PAK6: variants seen among roughly 807,000 people sequenced by gnomAD.
The protein encoded by PAK6 is p21 (RAC1) activated kinase 6.
Under a neutral mutation model 60.8 loss-of-function variants are expected in PAK6, and 33 were observed. The ratio of observed to expected loss-of-function variants is 0.54; its 90% CI spans 0.41 to 0.73. The LOEUF (loss-of-function observed/expected upper bound fraction) is 0.73, where lower values mean the gene tolerates loss of function less well. Among genes scored for constraint, PAK6 ranks in the 30% least tolerant of loss-of-function variants. The pLI is 0.00. For synonymous variants in PAK6, 404 were observed against 378.5 expected, an observed-to-expected ratio of 1.07 and a Z score of -0.78; for missense variants, 845 against 904.1, an observed-to-expected ratio of 0.93 and a Z score of 0.84.
chr15:40,253,510 T>C (rs1290744597), intron 3 of PAK6, among the ~76,000 whole-genome samples: 1 of 152,264 alleles, frequency 6.6e-6, no homozygotes, highest in Non-Finnish European at 1.5e-5. Flanking sequence ...GGTAGGCTGG[T>C]AGACGTCAAG....
chr15:40,263,938 C>T (rs1156889279), intron 3 of PAK6: 4 of 456,020 alleles, frequency 8.8e-6, no homozygotes, highest in South Asian at 3.1e-5. Context: ...TTACATAGAG[C>T]TCCAATACCA....
At chr15:40,249,976 C>T (rs1449284957) in intron 2 of PAK6, among the ~76,000 whole-genome samples, 1 of 152,262 alleles carries the variant, frequency 6.6e-6, no homozygotes, top group East Asian at 1.9e-4. Flanking sequence ...CTGGACAATT[C>T]CTTCAACCAG....
In PAK6 at chr15:40,255,179, T is replaced by C. The variant is rs138255110; in HGVS notation, c.-6+1890T>C. Among the ~76,000 whole-genome samples, 318 of 152,316 alleles carry C rather than the reference T, an allele frequency of 2.1e-3. 16 individuals are homozygous for C. The East Asian group carries it at 0.058, about 28-fold the overall frequency. ...TATGCTAAGGACTCAGACCTCTGTGTGCAGAGGCTGTTGAGAATCTAGGGT... is the reference window on the plus strand; with the variant it reads ...TATGCTAAGGACTCAGACCTCTGTGCGCAGAGGCTGTTGAGAATCTAGGGT... On this transcript the variant is annotated intron_variant, in intron 3 of 10. Transcript: ENST00000560346.
At chr15:40,253,184 G>A (rs1355891217) in exon 3 of PAK6, 2 of 456,028 alleles carry the variant, frequency 4.4e-6, no homozygotes, top group South Asian at 3.1e-5. Flanking sequence ...GCAGGCCTGC[G>A]GAGGACTGGC....
chr15:40,276,752 G>A (rs997539556), exon 11 of PAK6: 2 of 73,224 alleles, frequency 2.7e-5, no homozygotes, highest in African/African-American at 1.2e-4. Context: ...AGAACATCGT[G>A]TGTGTGTGTG....
At chr15:40,272,709 G>C in exon 6 of PAK6, 3 of 1,589,650 alleles carry the variant, frequency 1.9e-6, no homozygotes, top group South Asian at 2.2e-5. Flanking sequence ...GCAGGGAGCT[G>C]CTCTTCAACG....
At chr15:40,255,775 G>A (rs1191966705) in intron 3 of PAK6, among the ~76,000 whole-genome samples, 2 of 152,194 alleles carry the variant, frequency 1.3e-5, no homozygotes, top group South Asian at 2.1e-4. Context: ...GGCAGGGGCT[G>A]CAGGGGGAGC....
At chr15:40,252,162 G>T in intron 2 of PAK6, 1 of 701,960 alleles carries the variant, frequency 1.4e-6, no homozygotes. Context: ...CGACTCCCGC[G>T]TGGGCTCTCC....
At chr15:40,272,667 C>G (rs917620668) in exon 6 of PAK6, 2 of 1,604,418 alleles carry the variant, frequency 1.2e-6, no homozygotes, top group Admixed American at 3.3e-5. Context: ...GCCAGGTGGC[C>G]GTCAAGATGA....
At position 40,272,386 on chromosome 15, in the gene PAK6, C is replaced by G. The variant is rs550706939; in HGVS notation, c.1021C>G (p.Gln341Glu). ...CCTCCGCACAGCCCCGGCCACAGGC[C>G]AGCTTCCAGGCCGGTCTTCCCCAGC... The change falls in exon 6 of 11, where the codon CAG becomes GAG. Residue 341 changes from glutamine to glutamate, a missense_variant. By Grantham distance (29) the Gln-to-Glu change is conservative. Coordinates refer to ENST00000560346, the Ensembl canonical transcript of PAK6. The G allele has an allele frequency of 1.0e-4, 165 of 1,613,652 alleles. 3 individuals carry two copies. In the South Asian group the frequency reaches 1.7e-3, roughly 17 times the overall value.
intron 3 of PAK6, among the ~76,000 whole-genome samples, chr15:40,254,307 C>A (rs1400396514): frequency 6.6e-6 from 1 of 152,168 alleles, no homozygotes; most frequent in Non-Finnish European, 1.5e-5. Flanking sequence ...GTTCTCCCAT[C>A]CTGGAGAGCT....
At chr15:40,267,527 C>T (rs1005974939) in intron 5 of PAK6, among the ~76,000 whole-genome samples, 39 of 152,280 alleles carry the variant, frequency 2.6e-4, no homozygotes, top group African/African-American at 7.5e-4. Flanking sequence ...GGCGCGGTGG[C>T]GGGCGCCTGT....
intron 5 of PAK6, chr15:40,266,809 T>C (rs2039151254): frequency 3.1e-6 from 1 of 322,016 alleles, no homozygotes; most frequent in Non-Finnish European, 5.6e-6. Context: ...ACTTGTGGCA[T>C]GTGTGACTGC....
At chr15:40,241,526 C>T (rs575128279) in intron 2 of PAK6, among the ~76,000 whole-genome samples, 5 of 152,226 alleles carry the variant, frequency 3.3e-5, no homozygotes, top group African/African-American at 7.2e-5. Flanking sequence ...GCTTCCCTGG[C>T]GGTTGTCCTG....
intron 2 of PAK6, among the ~76,000 whole-genome samples, chr15:40,248,558 C>T (rs2038561499): frequency 6.6e-6 from 1 of 152,178 alleles, no homozygotes; most frequent in Non-Finnish European, 1.5e-5. Flanking sequence ...ATGTGGGATG[C>T]AGGAACTTCA....
At chr15:40,259,831 A>T (rs1270844855) in intron 3 of PAK6, 1 of 151,412 alleles carries the variant, frequency 6.6e-6, no homozygotes, top group African/African-American at 2.4e-5. Context: ...TTAGAGAAGC[A>T]ATCCGTCGTC....
At chr15:40,256,192 T>G (rs1037807736) in intron 3 of PAK6, among the ~76,000 whole-genome samples, 1 of 152,188 alleles carries the variant, frequency 6.6e-6, no homozygotes, top group African/African-American at 2.4e-5. Flanking sequence ...GCCACTGCAT[T>G]TCAGCCTGGG....
At chr15:40,274,041 GC>G in intron 9 of PAK6, 100 bp from the exon 10 acceptor site, 1 of 1,396,328 alleles carries the variant, frequency 7.2e-7, no homozygotes, top group Non-Finnish European at 1.0e-6. Flanking sequence ...ACCAAGGAGA[GC>G]TGGGGCCAGC....
intron 3 of PAK6, among the ~76,000 whole-genome samples, chr15:40,254,072 G>A (rs911266566): frequency 2.0e-5 from 3 of 152,190 alleles, no homozygotes; most frequent in Non-Finnish European, 2.9e-5. Context: ...TAGTATATAG[G>A]ACAGTGGCCG....
Sources: gnomAD v4.1 joint callset for allele counts (sites outside exome capture counted in the v4.1 genomes callset) on GRCh38, gnomAD v4.1.1 for gene constraint, MANE v1.5 for transcripts, NCBI Gene and HGNC (gene_info 2026-07-23, HGNC 2026-07-21) for gene names.